COL26A1: variants seen among roughly 807,000 people sequenced by gnomAD.
The protein encoded by COL26A1 is collagen alpha-1(XXVI) chain.
Under a neutral mutation model 59.3 loss-of-function variants are expected in COL26A1, and 41 were observed. The observed-to-expected ratio is 0.69, with a 90% confidence interval of 0.54 to 0.90. The LOEUF is 0.90. Ranked by LOEUF, COL26A1 falls within the 40% of genes least tolerant of loss-of-function variation. COL26A1 has a pLI of 0.00. For missense variants in COL26A1, 612 were observed against 602.3 expected, an observed-to-expected ratio of 1.02 and a Z score of -0.17; for synonymous variants, 266 against 256.0, an observed-to-expected ratio of 1.04 and a Z score of -0.37.
intron 3 of COL26A1, among the ~76,000 whole-genome samples, chr7:101,463,317 A>T (rs1267439623): frequency 6.6e-6 from 1 of 152,090 alleles, no homozygotes; most frequent in Non-Finnish European, 1.5e-5. Context: ...TGTCTTCAAG[A>T]TTCATCCATG....
intron 3 of COL26A1, among the ~76,000 whole-genome samples, chr7:101,516,903 G>A (rs181726644): frequency 2.6e-4 from 40 of 152,282 alleles, no homozygotes; most frequent in African/African-American, 9.1e-4. Context: ...GAGCCAGATC[G>A]TGTTTGGGTG....
intron 3 of COL26A1, among the ~76,000 whole-genome samples, chr7:101,504,118 G>T (rs936730515): frequency 2.0e-5 from 3 of 151,102 alleles, no homozygotes; most frequent in African/African-American, 4.9e-5. Context: ...TTTTTTCTTT[G>T]GGGACACAGT....
intron 2 of COL26A1, among the ~76,000 whole-genome samples, chr7:101,423,233 T>A (rs1792566910): frequency 6.6e-6 from 1 of 152,020 alleles, no homozygotes; most frequent in Non-Finnish European, 1.5e-5. Context: ...GCCACTGCAC[T>A]CTAGCCTGGG....
intron 5 of COL26A1, 136 bp from the exon 6 acceptor site, chr7:101,543,862 C>T: frequency 1.7e-6 from 1 of 591,622 alleles, no homozygotes; most frequent in Non-Finnish European, 3.1e-6. Context: ...ATGTGAGTGC[C>T]TTTGCCTGTT....
intron 1 of COL26A1, among the ~76,000 whole-genome samples, chr7:101,408,452 T>C (rs1792176865): frequency 6.6e-6 from 1 of 152,210 alleles, no homozygotes; most frequent in Non-Finnish European, 1.5e-5. Flanking sequence ...AGCAGCTGAA[T>C]GATGGATGTC....
intron 3 of COL26A1, among the ~76,000 whole-genome samples, chr7:101,519,132 A>C (rs1795088979): frequency 6.6e-6 from 1 of 152,170 alleles, no homozygotes; most frequent in Non-Finnish European, 1.5e-5. Context: ...AGCTAAACTC[A>C]TCTCCAGGTA....
At chr7:101,447,966 C>A (rs1793241649) in intron 3 of COL26A1, among the ~76,000 whole-genome samples, 179 bp downstream of exon 3, 1 of 152,208 alleles carries the variant, frequency 6.6e-6, no homozygotes, top group African/African-American at 2.4e-5. Context: ...CAGGATGAAG[C>A]TGCCCGCCCT....
chr7:101,401,671 A>G (rs1792004927), intron 1 of COL26A1, among the ~76,000 whole-genome samples: 1 of 99,396 alleles, frequency 1.0e-5, no homozygotes, highest in African/African-American at 3.0e-5. Context: ...AAGAGGAGGA[A>G]GAAGATGTTG....
At chr7:101,518,005 T>A (rs1795067020) in intron 3 of COL26A1, among the ~76,000 whole-genome samples, 1 of 149,816 alleles carries the variant, frequency 6.7e-6, no homozygotes, top group African/African-American at 2.4e-5. Context: ...TGAGAGACGA[T>A]GTCTTGCTAA....
intron 1 of COL26A1, among the ~76,000 whole-genome samples, chr7:101,394,571 T>C (rs1791807412): frequency 6.8e-6 from 1 of 147,154 alleles, no homozygotes; most frequent in Non-Finnish European, 1.5e-5. Flanking sequence ...CACGCCTAGC[T>C]ATTTTTTTCT....
intron 1 of COL26A1, among the ~76,000 whole-genome samples, chr7:101,413,308 C>T (rs1792288049): frequency 6.6e-6 from 1 of 152,154 alleles, no homozygotes; most frequent in Non-Finnish European, 1.5e-5. Flanking sequence ...CACTTGAGGT[C>T]AGGAGTTCCA....
At chr7:101,440,967 C>T (rs1000849258) in intron 2 of COL26A1, among the ~76,000 whole-genome samples, 24 of 140,030 alleles carry the variant, frequency 1.7e-4, no homozygotes, top group South Asian at 4.4e-4. Context: ...CAGAGAGAGA[C>T]TCCGTCTCAA....
At chr7:101,408,549 G>T (rs1792178709) in intron 1 of COL26A1, among the ~76,000 whole-genome samples, 1 of 152,150 alleles carries the variant, frequency 6.6e-6, no homozygotes, top group Admixed American at 6.6e-5. Context: ...TACCACAAGG[G>T]CTGGTGGGCA....
intron 3 of COL26A1, among the ~76,000 whole-genome samples, chr7:101,455,183 C>T (rs143881714): frequency 7.1e-4 from 107 of 151,670 alleles, no homozygotes; most frequent in African/African-American, 2.4e-3. Context: ...GCTGGGACTA[C>T]GGGCATGAAC....
chr7:101,484,590 C>T (rs576392787), intron 3 of COL26A1, among the ~76,000 whole-genome samples: 115 of 151,730 alleles, frequency 7.6e-4, no homozygotes, highest in African/African-American at 2.6e-3. Flanking sequence ...AGGCTGGTCT[C>T]GAACTCCTGA....
intron 2 of COL26A1, among the ~76,000 whole-genome samples, chr7:101,428,021 C>T (rs1029708628): frequency 1.3e-5 from 2 of 152,030 alleles, no homozygotes; most frequent in Admixed American, 6.6e-5. Flanking sequence ...ATTTCTACGG[C>T]GTGAGTATAT....
rs3073377 is a variant in COL26A1 at position 101,520,633 on chromosome 7, T to TACACACACACACACACACACACACAC, written c.386-12444_386-12419dup. Among the ~76,000 whole-genome samples the TACACACACACACACACACACACACAC allele has an allele frequency of 7.9e-4, 108 of 137,292 alleles. 1 individual carries two copies. The highest frequency in any genetic ancestry group is 1.9e-3 in the African/African-American group (60 of 31,706). The allele number at this position is 137,292 out of a possible 152,430, so 90.1% of individuals were successfully genotyped here. On this transcript the variant is annotated intron_variant, in intron 3 of 12. Transcript: ENST00000313669. ...AGGTTGACAGACAAGCACAGACACA[T>TACACACACACACACACACACACACAC]ACACACACACACACACACACACACA...
intron 5 of COL26A1, among the ~76,000 whole-genome samples, chr7:101,541,971 T>A (rs1156747962): frequency 1.4e-5 from 2 of 144,576 alleles, no homozygotes; most frequent in South Asian, 2.1e-4. Context: ...AATACAGATA[T>A]AATTTTTTTT....
At chr7:101,409,555 T>G (rs925918519) in intron 1 of COL26A1, among the ~76,000 whole-genome samples, 1 of 152,238 alleles carries the variant, frequency 6.6e-6, no homozygotes. Context: ...AAGTTTATCT[T>G]CTCATAGTTC....
Sources: allele counts gnomAD v4.1 joint callset (sites outside exome capture counted in the v4.1 genomes callset), GRCh38; gene constraint gnomAD v4.1.1; transcripts MANE v1.5; gene names NCBI Gene and HGNC (gene_info 2026-07-23, HGNC 2026-07-21).